SLC6A12: variants seen among roughly 807,000 people sequenced by gnomAD.
SLC6A12 encodes the protein solute carrier family 6 member 12.
In SLC6A12, 50 loss-of-function variants were observed where a neutral mutation model predicts 73.3. That is an observed-to-expected ratio of 0.68 (90% CI 0.54 to 0.86). The LOEUF (loss-of-function observed/expected upper bound fraction) is 0.86, where lower values mean the gene tolerates loss of function less well. Among genes scored for constraint, SLC6A12 ranks in the 40% least tolerant of loss-of-function variants. The pLI, the probability that SLC6A12 is intolerant of heterozygous loss-of-function variation, is 0.00. For synonymous variants in SLC6A12, 304 were observed against 309.2 expected (o/e 0.98, Z 0.18); for missense variants, 648 against 772.8 (o/e 0.84, Z 1.92).
chr12:206,904 G>C (rs1305092043), intron 3 of SLC6A12, among the ~76,000 whole-genome samples: 1 of 152,244 alleles, frequency 6.6e-6, no homozygotes, highest in Non-Finnish European at 1.5e-5. Flanking sequence ...TGTGCAGAAG[G>C]TCCTTCCCTC....
At chr12:208,399 A>G (rs924293164) in intron 3 of SLC6A12, among the ~76,000 whole-genome samples, 17 of 152,346 alleles carry the variant, frequency 1.1e-4, no homozygotes, top group African/African-American at 3.8e-4. Flanking sequence ...CAAGATACAC[A>G]GTAGACCCTC....
intron 10 of SLC6A12, 42 bp downstream of exon 10, chr12:197,335 C>T (rs1939972612): frequency 1.3e-6 from 2 of 1,581,690 alleles, no homozygotes; most frequent in Non-Finnish European, 1.7e-6. Context: ...TGTTCTCTGA[C>T]TCTCCTTCCC....
chr12:202,524 A>G (rs896761066), intron 5 of SLC6A12, among the ~76,000 whole-genome samples: 2 of 152,184 alleles, frequency 1.3e-5, no homozygotes, highest in African/African-American at 4.8e-5. Flanking sequence ...GTCATTTAAT[A>G]CAGTCCCTCT....
chr12:199,286 G>C (rs1233034000), intron 7 of SLC6A12, among the ~76,000 whole-genome samples: 1 of 152,248 alleles, frequency 6.6e-6, no homozygotes, highest in Non-Finnish European at 1.5e-5. Context: ...ATGAAAAAGA[G>C]TGGTATTTCC....
downstream of SLC6A12, among the ~76,000 whole-genome samples, chr12:188,208 A>G (rs1426648106): frequency 2.0e-5 from 3 of 152,302 alleles, no homozygotes; most frequent in Middle Eastern, 3.4e-3. Context: ...ACAGGAGCCC[A>G]TGGAGGGGGA....
At chr12:192,857 G>A (rs571106537) in intron 14 of SLC6A12, among the ~76,000 whole-genome samples, 7 of 146,490 alleles carry the variant, frequency 4.8e-5, no homozygotes, top group African/African-American at 1.0e-4. Flanking sequence ...GGAGGGGCTC[G>A]GAAGAGCATC....
chr12:194,448 C>G (rs920668378), intron 13 of SLC6A12, among the ~76,000 whole-genome samples: 3 of 152,234 alleles, frequency 2.0e-5, no homozygotes, highest in African/African-American at 7.2e-5. Flanking sequence ...TTCCCCCAAG[C>G]GGTGCAGTGG....
chr12:187,592 A>C (rs543891574), downstream of SLC6A12, among the ~76,000 whole-genome samples: 100 of 4,864 alleles, frequency 0.021, no homozygotes, highest in South Asian at 0.067. Flanking sequence ...AAAAGAGCAA[A>C]AAAAAAAAAA....
downstream of SLC6A12, among the ~76,000 whole-genome samples, chr12:189,483 C>G (rs921462202): frequency 1.3e-5 from 2 of 152,176 alleles, no homozygotes; most frequent in African/African-American, 4.8e-5. Context: ...GCTAAGAGTA[C>G]CTGAGGTGGC....
intron 3 of SLC6A12, among the ~76,000 whole-genome samples, chr12:207,963 A>G (rs555814273): frequency 1.3e-5 from 2 of 152,218 alleles, no homozygotes; most frequent in Non-Finnish European, 1.5e-5. Context: ...CGGCCAGGAC[A>G]GAGGCCACAG....
At chr12:203,050 T>C (rs1015915588) in intron 4 of SLC6A12, among the ~76,000 whole-genome samples, 170 bp from the exon 5 acceptor site, 1 of 141,188 alleles carries the variant, frequency 7.1e-6, no homozygotes, top group African/African-American at 2.7e-5. Context: ...TTTCTTTCTT[T>C]TTTCTTTTCT....
intron 10 of SLC6A12, among the ~76,000 whole-genome samples, chr12:197,169 C>T: frequency 1.4e-5 from 1 of 73,056 alleles, no homozygotes; most frequent in South Asian, 3.8e-4. Context: ...ATCCATCCAT[C>T]CATCCATCCA....
intron 4 of SLC6A12, chr12:203,632 C>A (rs912239348): frequency 1.3e-5 from 2 of 152,186 alleles, no homozygotes; most frequent in Non-Finnish European, 2.9e-5. Context: ...GCCCCTGTGC[C>A]GCGGCGGAAC....
chr12:186,657 CCTCT>C (rs1267452187), downstream of SLC6A12, among the ~76,000 whole-genome samples: 13 of 152,210 alleles, frequency 8.5e-5, no homozygotes, highest in Admixed American at 1.3e-4. Context: ...TCCACGTGGG[CCTCT>C]CTATTGGGCC....
At chr12:196,457 G>A (rs945613067) in intron 11 of SLC6A12, among the ~76,000 whole-genome samples, 196 bp from the exon 12 acceptor site, 3 of 152,244 alleles carry the variant, frequency 2.0e-5, no homozygotes, top group African/African-American at 7.2e-5. Flanking sequence ...AGTCTCAGCA[G>A]TGAGGGTTAG....
chr12:193,208 G>A (rs1444020099), intron 14 of SLC6A12, 69 bp downstream of exon 14: 21 of 1,127,634 alleles, frequency 1.9e-5, no homozygotes, highest in East Asian at 4.7e-5. Flanking sequence ...CATGTCAGCC[G>A]TCCTTTCCCT....
At chr12:197,162 C>CATCTATCCATCCATCT (rs1565469101) in intron 10 of SLC6A12, among the ~76,000 whole-genome samples, 96 of 4,522 alleles carry the variant, frequency 0.021, 11 homozygotes, top group Middle Eastern at 0.083. Context: ...TCCATCCATC[C>CATCTATCCATCCATCT]ATCCATCCAT....
chr12:189,410 TCCAA>T (rs1266933576), downstream of SLC6A12, among the ~76,000 whole-genome samples: 2 of 152,086 alleles, frequency 1.3e-5, no homozygotes, highest in African/African-American at 2.4e-5. Flanking sequence ...CACTAGCCGG[TCCAA>T]GGAGCGAGGG....
rs1366393667 is a variant in SLC6A12 at position 209,569 on chromosome 12, C to T, written c.214+204G>A. The T allele has an allele frequency of 1.4e-4, 83 of 603,254 alleles. No homozygotes were observed. In the East Asian group the frequency reaches 2.2e-3, roughly 16 times the overall value. 37.4% of individuals were successfully genotyped at this position (603,254 alleles called of 1,614,324 possible). A position where few individuals can be genotyped will look rare whatever the true frequency, so the allele number is the denominator to read the frequency against. On this transcript the variant is annotated intron_variant, in intron 3 of 15. Transcript: ENST00000684302. The stretch of plus-strand genomic sequence containing the variant: ...GCCCATTGCCCAGTTTCATCTTCAC[C>T]GTCACCCTGGGAGGTATTGTCCCCA...
Sources: gnomAD v4.1 joint callset for allele counts (sites outside exome capture counted in the v4.1 genomes callset) on GRCh38, gnomAD v4.1.1 for gene constraint, MANE v1.5 for transcripts, NCBI Gene and HGNC (gene_info 2026-07-23, HGNC 2026-07-21) for gene names.